Variants in THSD4 observed in about 807,000 individuals in gnomAD.
THSD4 encodes thrombospondin type-1 domain-containing protein 4.
THSD4 carries 69 observed loss-of-function variants against 119.0 expected under a neutral mutation model. That is an observed-to-expected ratio of 0.58 (90% confidence interval 0.48 to 0.71). The LOEUF (loss-of-function observed/expected upper bound fraction) is 0.71, where lower values mean the gene tolerates loss of function less well. Ranked by LOEUF, THSD4 falls within the 30% of genes least tolerant of loss-of-function variation. The pLI is 0.00. For synonymous variants in THSD4, 524 were observed against 540.4 expected (o/e 0.97, Z 0.42); for missense variants, 1,393 against 1,391.1 (o/e 1.00, Z -0.02).
chr15:71,526,677 CTTTGA>C (rs1320235478), intron 7 of THSD4, among the ~76,000 whole-genome samples: 2 of 152,194 alleles, frequency 1.3e-5, no homozygotes, highest in Admixed American at 6.5e-5. Context: ...AATGTCGAGA[CTTTGA>C]TTTGACACTT....
intron 7 of THSD4, among the ~76,000 whole-genome samples, chr15:71,502,524 A>G (rs2048127167): frequency 6.6e-6 from 1 of 152,202 alleles, no homozygotes; most frequent in South Asian, 2.1e-4. Flanking sequence ...AAATCTTTCA[A>G]TTTTAAATGA....
At chr15:71,708,553 C>T in intron 8 of THSD4, among the ~76,000 whole-genome samples, 1 of 152,122 alleles carries the variant, frequency 6.6e-6, no homozygotes, top group East Asian at 1.9e-4. Context: ...TAAGTGTCAG[C>T]TGTGAGATTT....
At chr15:71,773,200 C>CAAAAAAAA (rs5813665) in intron 17 of THSD4, among the ~76,000 whole-genome samples, 64 of 53,834 alleles carry the variant, frequency 1.2e-3, no homozygotes, top group South Asian at 2.5e-3. Context: ...GACCATGTCT[C>CAAAAAAAA]AAAAAAAAAA....
intron 3 of THSD4, among the ~76,000 whole-genome samples, chr15:71,181,184 C>A (rs943034703): frequency 5.9e-5 from 9 of 152,080 alleles, no homozygotes; most frequent in Admixed American, 5.9e-4. Flanking sequence ...GTTTGTCAAG[C>A]CTTCCGTTTC....
intron 7 of THSD4, among the ~76,000 whole-genome samples, chr15:71,532,283 A>AGAGAGAGAGAGAGAGAGAGAGAGAGTGT (rs1379506089): frequency 2.0e-4 from 20 of 101,644 alleles, no homozygotes; most frequent in East Asian, 6.3e-4. Context: ...AGAGAGAGAG[A>AGAGAGAGAGAGAGAGAGAGAGAGAGTGT]GTGTGTGTGT....
At chr15:71,504,363 T>A (rs2048158556) in intron 7 of THSD4, among the ~76,000 whole-genome samples, 1 of 152,170 alleles carries the variant, frequency 6.6e-6, no homozygotes. Context: ...GTGAAAATAG[T>A]CACCACTGTT....
intron 6 of THSD4, among the ~76,000 whole-genome samples, chr15:71,321,111 C>T (rs993617668): frequency 2.6e-5 from 4 of 152,172 alleles, no homozygotes; most frequent in African/African-American, 9.7e-5. Flanking sequence ...CATGATTCCC[C>T]GTTTTATAGA....
intron 7 of THSD4, among the ~76,000 whole-genome samples, chr15:71,590,732 G>A (rs1293104124): frequency 2.0e-5 from 3 of 152,116 alleles, no homozygotes; most frequent in African/African-American, 2.4e-5. Flanking sequence ...GGACAGGCAC[G>A]ATGGCTCACG....
At chr15:71,445,687 C>T (rs1329604168) in intron 7 of THSD4, among the ~76,000 whole-genome samples, 1 of 152,198 alleles carries the variant, frequency 6.6e-6, no homozygotes, top group African/African-American at 2.4e-5. Context: ...CTAAAGTAGA[C>T]AGCTGAGTAC....
intron 4 of THSD4, among the ~76,000 whole-genome samples, chr15:71,227,160 T>A (rs1318146135): frequency 1.3e-5 from 2 of 152,240 alleles, no homozygotes; most frequent in Non-Finnish European, 2.9e-5. Flanking sequence ...TGAGTTACTC[T>A]GATCTCAGAC....
chr15:71,102,245 A>C, intron 1 of THSD4, among the ~76,000 whole-genome samples: 1 of 152,124 alleles, frequency 6.6e-6, no homozygotes, highest in East Asian at 1.9e-4. Context: ...GAGTTTCTTC[A>C]ATTTCCATGT....
At chr15:71,706,519 G>A (rs2052395943) in intron 8 of THSD4, among the ~76,000 whole-genome samples, 1 of 152,194 alleles carries the variant, frequency 6.6e-6, no homozygotes, top group Non-Finnish European at 1.5e-5. Context: ...AGAATGCAGA[G>A]AAAAACAGAA....
chr15:71,411,012 C>T (rs915778912), intron 6 of THSD4, among the ~76,000 whole-genome samples: 4 of 152,190 alleles, frequency 2.6e-5, no homozygotes, highest in Admixed American at 6.5e-5. Context: ...TGCACCACTG[C>T]GCTCCAGCCT....
chr15:71,686,504 C>G (rs760817722), intron 8 of THSD4, among the ~76,000 whole-genome samples: 3 of 152,224 alleles, frequency 2.0e-5, no homozygotes, highest in Non-Finnish European at 4.4e-5. Flanking sequence ...CTCTTCATCA[C>G]TTCATCAGTC....
Position 71,154,212 on chromosome 15 carries a change from C to T in THSD4, c.30-651C>T, listed in dbSNP as rs571074665. ...TGCGATTCTAGCCTGGCTCCATGCC[C>T]TCTCCAGCACACCCTGCTGTCTCAG... On this transcript the variant is annotated intron_variant, in intron 2 of 17. Coordinates refer to ENST00000261862, the MANE Select transcript of THSD4 (RefSeq NM_024817.3). 2.0e-5 allele frequency among the ~76,000 whole-genome samples: 3 copies of T among 152,358 alleles called. No homozygotes were observed. The South Asian group carries it at 6.2e-4, about 32-fold the overall frequency.
intron 7 of THSD4, among the ~76,000 whole-genome samples, chr15:71,481,734 A>G (rs2047733382): frequency 1.3e-5 from 2 of 152,264 alleles, no homozygotes; most frequent in Admixed American, 1.3e-4. Flanking sequence ...AGTTGGATAG[A>G]ACAACCATTT....
chr15:71,744,187 A>G (rs2053290643), intron 11 of THSD4, among the ~76,000 whole-genome samples: 1 of 144,838 alleles, frequency 6.9e-6, no homozygotes, highest in Non-Finnish European at 1.5e-5. Flanking sequence ...ACACCTAGAC[A>G]TTCCATTTAA....
At chr15:71,594,352 G>A (rs1595766736) in intron 7 of THSD4, among the ~76,000 whole-genome samples, 1 of 152,060 alleles carries the variant, frequency 6.6e-6, no homozygotes, top group African/African-American at 2.4e-5. Flanking sequence ...GAGATTACAG[G>A]CATTTGCCAC....
chr15:71,111,758 T>C (rs2040306948), upstream of THSD4: 6 of 517,230 alleles, frequency 1.2e-5, no homozygotes, highest in Non-Finnish European at 2.0e-5. Flanking sequence ...CGTAGGGAAT[T>C]ATACGGGGGT....
Sources: allele counts gnomAD v4.1 joint callset (sites outside exome capture counted in the v4.1 genomes callset), GRCh38; gene constraint gnomAD v4.1.1; transcripts MANE v1.5; gene names NCBI Gene and HGNC (gene_info 2026-07-23, HGNC 2026-07-21).